NPAS2: variants seen among roughly 807,000 people sequenced by gnomAD.
NPAS2 encodes neuronal PAS domain protein 2, also known as neuronal PAS domain-containing protein 2.
In NPAS2, 23 loss-of-function variants were observed where a neutral mutation model predicts 107.5. The observed-to-expected ratio is 0.21, with a 90% CI of 0.15 to 0.30. The LOEUF is 0.30. NPAS2 is among the 10% of genes least tolerant of loss of function. NPAS2 has a pLI of 1.00. For synonymous variants in NPAS2, 403 were observed against 417.5 expected (o/e 0.97, Z 0.42); for missense variants, 756 against 1,043.3 (o/e 0.72, Z 3.79).
At chr2:100,889,966 C>T (rs543450784) in intron 1 of NPAS2, among the ~76,000 whole-genome samples, 5 of 138,622 alleles carry the variant, frequency 3.6e-5, no homozygotes, top group Admixed American at 1.5e-4. Flanking sequence ...TGTTCGGGGG[C>T]GGGGAGGGAT....
At position 100,995,576 on chromosome 2, in the gene NPAS2, C is replaced by T; in HGVS notation, c.2469C>T (p.Pro823=). ...AGTCGTCAGGCCTCCAGCAGCCGCC[C>T]CGATAATGCCCCGGCACTGAAGTCG... is the stretch of plus-strand genomic sequence containing the variant. ...LSESSGLQQP[P]R Residue 823 remains proline (P), a synonymous_variant, in exon 21 of 21, where the codon CCC becomes CCT. Coordinates refer to ENST00000335681, the MANE Select transcript of NPAS2 (RefSeq NM_002518.4). 1.2e-6 allele frequency: 2 copies of T among 1,604,454 alleles called. No individual in the cohort carries two copies. Among genetic ancestry groups the T allele is most frequent in the Non-Finnish European group, 1.7e-6 (2 of 1,175,036 alleles).
intron 4 of NPAS2, among the ~76,000 whole-genome samples, chr2:100,936,123 G>A (rs549563436): frequency 6.6e-6 from 1 of 152,312 alleles, no homozygotes; most frequent in African/African-American, 2.4e-5. Flanking sequence ...CCTACCAGCT[G>A]TCGGTGTAAA....
At chr2:100,847,046 C>T (rs778072790) in intron 1 of NPAS2, 2 of 152,230 alleles carry the variant, frequency 1.3e-5, no homozygotes, top group Non-Finnish European at 2.9e-5. Flanking sequence ...ATGCTTTTAG[C>T]TCAGAACGCT....
chr2:100,910,997 T>C (rs940445002), intron 2 of NPAS2, among the ~76,000 whole-genome samples: 2 of 152,186 alleles, frequency 1.3e-5, no homozygotes, highest in Admixed American at 6.5e-5. Flanking sequence ...TGACCTTATA[T>C]GGACCTTGAT....
At chr2:100,875,095 T>C (rs1387516139) in intron 1 of NPAS2, among the ~76,000 whole-genome samples, 1 of 152,240 alleles carries the variant, frequency 6.6e-6, no homozygotes, top group Non-Finnish European at 1.5e-5. Context: ...GGAATATTAC[T>C]CAGCCTTGAA....
chr2:100,919,514 C>A (rs1183687537), intron 2 of NPAS2, among the ~76,000 whole-genome samples: 1 of 152,210 alleles, frequency 6.6e-6, no homozygotes, highest in African/African-American at 2.4e-5. Context: ...AGCAGCAGCG[C>A]CGTGCTGTGC....
At position 100,925,059 on chromosome 2, in the gene NPAS2, T is replaced by C. The variant is rs367799518; in HGVS notation, c.33-87T>C. ...GATAAGATAGATGATCACAATAGAA[T>C]GTGCTCTAATAGAAAGTGCTTTTGT... On this transcript the variant is annotated intron_variant, in intron 2 of 20. Transcript: ENST00000335681. The C allele has an allele frequency of 4.6e-5, 63 of 1,356,870 alleles. No homozygotes were observed. The East Asian group carries it at 5.4e-4, about 12-fold the overall frequency. 84.1% of individuals were successfully genotyped at this position (1,356,870 alleles called of 1,614,324 possible).
intron 16 of NPAS2, chr2:100,986,508 C>G (rs1346936442): frequency 1.3e-5 from 2 of 152,206 alleles, no homozygotes; most frequent in Non-Finnish European, 2.9e-5. Flanking sequence ...GAGCCTTCCC[C>G]CTAAAGAACT....
chr2:100,889,824 A>C (rs188393449), intron 1 of NPAS2, among the ~76,000 whole-genome samples: 4 of 152,260 alleles, frequency 2.6e-5, no homozygotes, highest in African/African-American at 9.6e-5. Context: ...GATACATCTC[A>C]ATGCTTTTTA....
intron 1 of NPAS2, among the ~76,000 whole-genome samples, chr2:100,827,041 C>T (rs7573323): frequency 0.065 from 9,857 of 152,106 alleles, 588 homozygotes; most frequent in African/African-American, 0.16. Context: ...TACATGAAGA[C>T]GCAAAGGGAA....
chr2:100,940,865 T>C (rs1674531821), intron 5 of NPAS2, among the ~76,000 whole-genome samples: 2 of 152,116 alleles, frequency 1.3e-5, no homozygotes, highest in African/African-American at 4.8e-5. Context: ...AATGAGGAGC[T>C]GAGAGGTGGT....
At position 100,952,039 on chromosome 2, in the gene NPAS2, C is replaced by G. The variant is rs529880060; in HGVS notation, c.598+2559C>G. 6.3e-4 allele frequency among the ~76,000 whole-genome samples: 95 copies of G among 151,288 alleles called. 1 individual carries two copies. In the South Asian group the frequency reaches 8.4e-3, roughly 13 times the overall value. On this transcript the variant is annotated intron_variant, in intron 7 of 20. Transcript: ENST00000335681. Reference sequence around the variant, plus strand: ...TGGTGGCGGGCGCCTGTAGTCCCAGCTACTAGGGAGGCTGAGGCAGAAGAA... The same window carrying G: ...TGGTGGCGGGCGCCTGTAGTCCCAGGTACTAGGGAGGCTGAGGCAGAAGAA...
intron 1 of NPAS2, among the ~76,000 whole-genome samples, chr2:100,824,129 G>A (rs1450306371): frequency 6.6e-6 from 1 of 152,170 alleles, no homozygotes; most frequent in African/African-American, 2.4e-5. Flanking sequence ...AGAGGAGGCT[G>A]GAAAGCAAGG....
At chr2:100,827,228 G>A (rs558103414) in intron 1 of NPAS2, among the ~76,000 whole-genome samples, 1 of 152,156 alleles carries the variant, frequency 6.6e-6, no homozygotes, top group Non-Finnish European at 1.5e-5. Flanking sequence ...ATGGTAGGCT[G>A]CCCCAAGCAT....
chr2:100,958,844 T>C (rs1675735580), intron 7 of NPAS2, among the ~76,000 whole-genome samples: 1 of 152,188 alleles, frequency 6.6e-6, no homozygotes, highest in African/African-American at 2.4e-5. Flanking sequence ...GGATATCTTC[T>C]CAACGCCATT....
intron 1 of NPAS2, among the ~76,000 whole-genome samples, chr2:100,880,438 T>C (rs183292123): frequency 6.6e-6 from 1 of 152,302 alleles, no homozygotes; most frequent in Non-Finnish European, 1.5e-5. Flanking sequence ...TATATAGGAA[T>C]ATTATTCAGT....
intron 1 of NPAS2, among the ~76,000 whole-genome samples, chr2:100,879,734 C>T (rs1274766779): frequency 6.6e-6 from 1 of 152,206 alleles, no homozygotes; most frequent in Non-Finnish European, 1.5e-5. Flanking sequence ...TCGTGCTTCA[C>T]ACTGGATATG....
At chr2:100,939,753 T>G (rs1243898052) in intron 5 of NPAS2, among the ~76,000 whole-genome samples, 1 of 152,226 alleles carries the variant, frequency 6.6e-6, no homozygotes, top group Non-Finnish European at 1.5e-5. Context: ...TTTATGCTCT[T>G]GTAATTATCT....
intron 1 of NPAS2, among the ~76,000 whole-genome samples, chr2:100,832,692 C>T (rs1676816978): frequency 6.8e-6 from 1 of 147,168 alleles, no homozygotes; most frequent in Admixed American, 6.7e-5. Context: ...GGATGGGCCC[C>T]TGCCTGGCAA....
Sources: allele counts gnomAD v4.1 joint callset (sites outside exome capture counted in the v4.1 genomes callset), GRCh38; gene constraint gnomAD v4.1.1; transcripts MANE v1.5; gene names NCBI Gene and HGNC (gene_info 2026-07-23, HGNC 2026-07-21).